The following ARHGEF12 variants were observed in gnomAD, a reference collection of about 807,000 sequenced individuals.
The protein encoded by ARHGEF12 is Rho guanine nucleotide exchange factor 12, also known as KMT2A/ARHGEF12 fusion protein.
ARHGEF12 carries 66 observed loss-of-function variants against 211.2 expected under a neutral mutation model. The observed-to-expected ratio is 0.31, with a 90% CI of 0.26 to 0.38. The LOEUF is 0.38. Ranked by LOEUF, ARHGEF12 falls within the 10% of genes least tolerant of loss-of-function variation. The pLI is 1.00. For missense variants in ARHGEF12, 1,429 were observed against 1,869.5 expected (o/e 0.76, Z 4.34); for synonymous variants, 592 against 638.4 (o/e 0.93, Z 1.09).
At chr11:120,480,453 CTTTGAT>C (rs1307618192) in intron 38 of ARHGEF12, 23 bp downstream of exon 38, 1 of 1,579,626 alleles carries the variant, frequency 6.3e-7, no homozygotes, top group Non-Finnish European at 8.6e-7. Context: ...CACACTTAAA[CTTTGAT>C]TTTGATTTTG....
At chr11:120,482,482 C>A (rs987618022) in intron 39 of ARHGEF12, among the ~76,000 whole-genome samples, 1 of 152,138 alleles carries the variant, frequency 6.6e-6, no homozygotes, top group Non-Finnish European at 1.5e-5. Context: ...CACGGTGGCT[C>A]ACGCCTGTAA....
intron 24 of ARHGEF12, 130 bp from the exon 25 acceptor site, chr11:120,457,950 A>G: frequency 8.3e-7 from 1 of 1,211,266 alleles, no homozygotes; most frequent in Non-Finnish European, 1.2e-6. Context: ...CATTTGTAGG[A>G]GAGGATGAAA....
chr11:120,427,250 A>G (rs1181106534), intron 7 of ARHGEF12, among the ~76,000 whole-genome samples: 1 of 151,944 alleles, frequency 6.6e-6, no homozygotes, highest in East Asian at 1.9e-4. Context: ...CATTCCTCCA[A>G]ATATTTTCTA....
At chr11:120,338,317 T>C (rs1157379168) in intron 1 of ARHGEF12, among the ~76,000 whole-genome samples, 1 of 152,206 alleles carries the variant, frequency 6.6e-6, no homozygotes, top group Non-Finnish European at 1.5e-5. Context: ...CACAAAGTAG[T>C]CTTAATTTCC....
At chr11:120,358,139 C>T (rs1178401021) in intron 1 of ARHGEF12, among the ~76,000 whole-genome samples, 3 of 151,660 alleles carry the variant, frequency 2.0e-5, no homozygotes, top group African/African-American at 7.3e-5. Context: ...TCGGTGGTAG[C>T]GTGAAGAAAG....
At chr11:120,391,558 G>A (rs994242150) in intron 1 of ARHGEF12, among the ~76,000 whole-genome samples, 3 of 152,184 alleles carry the variant, frequency 2.0e-5, no homozygotes, top group Non-Finnish European at 4.4e-5. Flanking sequence ...GAAAAGCCCT[G>A]ACATCAGCTC....
chr11:120,395,317 G>A (rs1456135175), intron 1 of ARHGEF12, among the ~76,000 whole-genome samples: 2 of 152,042 alleles, frequency 1.3e-5, no homozygotes, highest in African/African-American at 4.8e-5. Context: ...CAAAAATCAG[G>A]CAATGTAAGT....
chr11:120,382,805 A>T (rs1232023981), intron 1 of ARHGEF12, among the ~76,000 whole-genome samples: 3 of 152,160 alleles, frequency 2.0e-5, no homozygotes, highest in Admixed American at 2.0e-4. Context: ...CTGGGCTCTG[A>T]AAGCATTGGG....
At chr11:120,372,190 C>T (rs1229772593) in intron 1 of ARHGEF12, among the ~76,000 whole-genome samples, 2 of 152,138 alleles carry the variant, frequency 1.3e-5, no homozygotes, top group Non-Finnish European at 2.9e-5. Flanking sequence ...TATAAGGTAA[C>T]CACTAGTACA....
chr11:120,376,308 A>G (rs1943721614), intron 1 of ARHGEF12, among the ~76,000 whole-genome samples: 1 of 152,144 alleles, frequency 6.6e-6, no homozygotes, highest in Non-Finnish European at 1.5e-5. Context: ...TATTTTTGAA[A>G]TAAAGCTTTC....
chr11:120,369,057 A>G (rs1242505791), intron 1 of ARHGEF12, among the ~76,000 whole-genome samples: 2 of 151,824 alleles, frequency 1.3e-5, no homozygotes, highest in Admixed American at 6.6e-5. Context: ...GCTGTCTCCA[A>G]TGATAACAAC....
intron 1 of ARHGEF12, among the ~76,000 whole-genome samples, chr11:120,353,202 A>C (rs887695658): frequency 1.3e-5 from 2 of 152,210 alleles, no homozygotes; most frequent in African/African-American, 2.4e-5. Flanking sequence ...CTCAGCATAC[A>C]GGGTCATCAA....
intron 1 of ARHGEF12, among the ~76,000 whole-genome samples, chr11:120,396,030 A>G (rs1944373309): frequency 1.3e-5 from 2 of 152,148 alleles, no homozygotes; most frequent in South Asian, 2.1e-4. Context: ...CCTTGGAGAA[A>G]TGGTTGACTC....
intron 6 of ARHGEF12, among the ~76,000 whole-genome samples, chr11:120,422,340 G>A (rs1314389356): frequency 6.6e-6 from 1 of 152,192 alleles, no homozygotes; most frequent in Non-Finnish European, 1.5e-5. Context: ...GCTGAGGTGG[G>A]AGGATTGCTT....
chr11:120,400,396 G>A (rs1360938145), intron 1 of ARHGEF12, among the ~76,000 whole-genome samples: 1 of 152,084 alleles, frequency 6.6e-6, no homozygotes, highest in Non-Finnish European at 1.5e-5. Flanking sequence ...CCATAAGCAT[G>A]AATTTGGTGG....
Position 120,457,166 on chromosome 11 carries a change from G to C in ARHGEF12, c.2105G>C (p.Gly702Ala). 1 of 1,613,968 alleles carries C rather than the reference G, an allele frequency of 6.2e-7. No homozygotes were observed. Residue 702 changes from glycine (G) to alanine (A), a missense_variant, in exon 23 of 41, where the codon GGC (glycine) becomes GCC (alanine). Physicochemically the swap from Gly to Ala is moderately conservative, Grantham distance 60 (BLOSUM62 0). Coordinates refer to ENST00000397843, the MANE Select transcript of ARHGEF12 (RefSeq NM_015313.3). Reference sequence around the variant, plus strand: ...TCAGCACCTGGAGACACCTTAGATGGCACACCTCGTACTCTCAATACTGTC... The same window carrying C: ...TCAGCACCTGGAGACACCTTAGATGCCACACCTCGTACTCTCAATACTGTC... Reference protein sequence around the residue: ...ETSAPGDTLDGTPRTLNTVFD... With the variant: ...ETSAPGDTLDATPRTLNTVFD...
chr11:120,429,620 G>GC, intron 9 of ARHGEF12, 92 bp from the exon 10 acceptor site: 1 of 1,549,394 alleles, frequency 6.5e-7, no homozygotes, highest in Non-Finnish European at 8.8e-7. Flanking sequence ...TGTAACCAAT[G>GC]CCATTAGTTA....
At chr11:120,347,234 GTCTC>G (rs1234155595) in intron 1 of ARHGEF12, among the ~76,000 whole-genome samples, 7 of 86,222 alleles carry the variant, frequency 8.1e-5, no homozygotes, top group South Asian at 3.7e-4. Flanking sequence ...CTTTCTCTCT[GTCTC>G]TCTCTGTTTC....
rs752290552 is a variant in ARHGEF12, at chr11:120,429,715, T to C, written c.667T>C (p.Leu223=). ...LQKEQERLQL[L]QEDYNRTPAQ... ...AAATATTTTTATAACTTTTCAGTTA[T>C]TGCAGGAAGATTACAACCGAACACC... Residue 223 remains leucine, a synonymous_variant, in exon 10 of 41, where the codon TTG becomes CTG. Coordinates refer to ENST00000397843, the MANE Select transcript of ARHGEF12 (RefSeq NM_015313.3). 2.5e-6 allele frequency: 4 copies of C among 1,610,016 alleles called. No individual in the cohort carries two copies. In the South Asian group the frequency reaches 3.3e-5, roughly 13 times the overall value.
Sources: allele counts gnomAD v4.1 joint callset (sites outside exome capture counted in the v4.1 genomes callset), GRCh38; gene constraint gnomAD v4.1.1; transcripts MANE v1.5; gene names NCBI Gene and HGNC (gene_info 2026-07-23, HGNC 2026-07-21).